The following NLK variants were observed in gnomAD, a reference collection of about 807,000 sequenced individuals.
NLK encodes the protein nemo like kinase.
NLK carries 11 observed loss-of-function variants against 59.0 expected under a neutral mutation model. That is an observed-to-expected ratio of 0.19 (90% CI 0.12 to 0.31). The LOEUF (loss-of-function observed/expected upper bound fraction) is 0.31, where lower values mean the gene tolerates loss of function less well. Ranked by LOEUF, NLK falls within the 10% of genes least tolerant of loss-of-function variation. The pLI is 1.00. For synonymous variants in NLK, 235 were observed against 235.9 expected (o/e 1.00, Z 0.03); for missense variants, 410 against 661.1 (o/e 0.62, Z 4.16).
intron 1 of NLK, among the ~76,000 whole-genome samples, chr17:28,094,576 A>T (rs1904631571): frequency 6.6e-6 from 1 of 152,182 alleles, no homozygotes; most frequent in Non-Finnish European, 1.5e-5. Context: ...AGTATCTGAA[A>T]AGGATTATTT....
intron 8 of NLK, among the ~76,000 whole-genome samples, chr17:28,186,782 G>C (rs1265794376): frequency 6.6e-6 from 1 of 152,138 alleles, no homozygotes; most frequent in Non-Finnish European, 1.5e-5. Context: ...CGTAGCATGT[G>C]GGAATTCAAG....
rs1908932269 is a variant in NLK at position 28,043,234 on chromosome 17, G to A, written c.361G>A (p.Val121Ile). 1 of 1,613,966 alleles carries A rather than the reference G, an allele frequency of 6.2e-7. No individual in the cohort carries two copies. The highest frequency in any genetic ancestry group is 1.3e-5 in the African/African-American group (1 of 75,024). Residue 121 changes from valine to isoleucine, a missense_variant, in exon 1 of 11, where the codon GTT becomes ATT. This residue lies in a region of NLK where 160 missense variants were observed against 171.0 expected (regional missense o/e 0.94). Transcript: ENST00000407008. ...GGTACAGGCTGCCGCAGCTGCTACA[G>A]TTAAGGCGCACCATCATCAGCACTC... Reference protein sequence around the residue: ...AQVQAAAAATVKAHHHQHSHH... With the variant: ...AQVQAAAAATIKAHHHQHSHH...
chr17:28,097,571 T>C (rs1044961727), intron 1 of NLK, among the ~76,000 whole-genome samples: 10 of 152,160 alleles, frequency 6.6e-5, no homozygotes, highest in Admixed American at 5.9e-4. Flanking sequence ...CTGAACCTAG[T>C]TGGATTGGGA....
At chr17:28,142,166 G>GT (rs1907026931) in intron 3 of NLK, among the ~76,000 whole-genome samples, 1 of 152,146 alleles carries the variant, frequency 6.6e-6, no homozygotes, top group African/African-American at 2.4e-5. Context: ...CTTATGGACT[G>GT]TAACAATATG....
chr17:28,175,249 T>C (rs1908630569), intron 7 of NLK, among the ~76,000 whole-genome samples: 2 of 150,646 alleles, frequency 1.3e-5, no homozygotes, highest in Admixed American at 1.3e-4. Flanking sequence ...ATCGAGATCA[T>C]CCTGGCTAAC....
At chr17:28,050,237 T>A (rs1909200616) in intron 1 of NLK, among the ~76,000 whole-genome samples, 2 of 151,782 alleles carry the variant, frequency 1.3e-5, no homozygotes, top group Admixed American at 6.6e-5. Context: ...CTTCAATGAG[T>A]TTTAAGAATG....
At chr17:28,137,766 A>G (rs772213692) in intron 3 of NLK, among the ~76,000 whole-genome samples, 7 of 152,132 alleles carry the variant, frequency 4.6e-5, no homozygotes, top group Non-Finnish European at 8.8e-5. Context: ...CAACAAAAAA[A>G]AAGTCAATAT....
intron 2 of NLK, 45 bp from the exon 3 acceptor site, chr17:28,132,575 T>G (rs1428236689): frequency 6.8e-7 from 1 of 1,460,356 alleles, no homozygotes; most frequent in Non-Finnish European, 9.4e-7. Context: ...GAATTTTGTT[T>G]CCTTTTTTGT....
At chr17:28,092,389 T>G (rs1439999412) in intron 1 of NLK, among the ~76,000 whole-genome samples, 1 of 152,252 alleles carries the variant, frequency 6.6e-6, no homozygotes, top group African/African-American at 2.4e-5. Context: ...CACATTTCTT[T>G]ACAGCAAATG....
At chr17:28,153,274 C>CA (rs1281657628) in intron 3 of NLK, among the ~76,000 whole-genome samples, 1,462 of 104,578 alleles carry the variant, frequency 0.014, 10 homozygotes, top group African/African-American at 0.038. Context: ...AATTCCCCCT[C>CA]AAAAAAAAAA....
chr17:28,054,983 A>G (rs1177389535), intron 1 of NLK, among the ~76,000 whole-genome samples: 1 of 151,892 alleles, frequency 6.6e-6, no homozygotes, highest in Non-Finnish European at 1.5e-5. Flanking sequence ...TCTGCCCCTC[A>G]TTATCTGTGG....
At chr17:28,186,596 G>T (rs1203442219) in intron 8 of NLK, among the ~76,000 whole-genome samples, 1 of 151,892 alleles carries the variant, frequency 6.6e-6, no homozygotes, top group African/African-American at 2.4e-5. Flanking sequence ...CAATCATGGC[G>T]GGAGGTGAGG....
At chr17:28,204,593 A>T in the NLK span, among the ~76,000 whole-genome samples, 1 of 152,250 alleles carries the variant, frequency 6.6e-6, no homozygotes, top group Non-Finnish European at 1.5e-5. Flanking sequence ...CCCACCATGT[A>T]TCACACATTA....
intron 1 of NLK, among the ~76,000 whole-genome samples, chr17:28,088,526 A>G (rs1173313191): frequency 2.0e-5 from 3 of 152,232 alleles, no homozygotes; most frequent in Non-Finnish European, 4.4e-5. Context: ...TTGATCCATT[A>G]GCATCCTCTA....
intron 4 of NLK, 81 bp from the exon 5 acceptor site, chr17:28,163,461 GT>G (rs1699043250): frequency 2.5e-6 from 2 of 813,954 alleles, no homozygotes; most frequent in Non-Finnish European, 4.0e-6. Flanking sequence ...ATCCTCTACT[GT>G]TTTCTTCCAA....
the NLK span, among the ~76,000 whole-genome samples, chr17:28,205,715 C>T: frequency 6.6e-6 from 1 of 152,212 alleles, no homozygotes; most frequent in African/African-American, 2.4e-5. Context: ...CACTGTTTTA[C>T]ACTCTGTTTC....
intron 1 of NLK, among the ~76,000 whole-genome samples, chr17:28,051,593 G>A (rs896037193): frequency 1.3e-4 from 19 of 151,476 alleles, no homozygotes; most frequent in African/African-American, 3.2e-4. Flanking sequence ...TCTTGACCTC[G>A]TGATCGGCCT....
chr17:28,090,003 T>TGTCTTTTG (rs1397663637), intron 1 of NLK, among the ~76,000 whole-genome samples: 1 of 152,210 alleles, frequency 6.6e-6, no homozygotes, highest in African/African-American at 2.4e-5. Flanking sequence ...TTTGTCTTTG[T>TGTCTTTTG]AACAGTGTCT....
At chr17:28,192,679 A>C (rs1378665885) in intron 10 of NLK, among the ~76,000 whole-genome samples, 3 of 151,972 alleles carry the variant, frequency 2.0e-5, no homozygotes, top group Non-Finnish European at 4.4e-5. Flanking sequence ...AAAAAAAAAA[A>C]CAAAAAACTG....
Sources: allele counts gnomAD v4.1 joint callset (sites outside exome capture counted in the v4.1 genomes callset), GRCh38; gene constraint gnomAD v4.1.1; regional missense constraint gnomAD v4.1.1; transcripts MANE v1.5; gene names NCBI Gene and HGNC (gene_info 2026-07-23, HGNC 2026-07-21).